Variants in YEATS2 observed in about 807,000 individuals in gnomAD.
YEATS2 encodes YEATS domain-containing protein 2.
In YEATS2, 77 loss-of-function variants were observed where a neutral mutation model predicts 163.2. The ratio of observed to expected loss-of-function variants is 0.47; its 90% CI spans 0.39 to 0.57. YEATS2 has a LOEUF of 0.57. Among genes scored for constraint, YEATS2 ranks in the 20% least tolerant of loss-of-function variants. The probability of loss-of-function intolerance (pLI) is 0.00; values close to 1 mark genes in which losing one functional copy is unlikely to be tolerated. For missense variants in YEATS2, 1,549 were observed against 1,729.8 expected (o/e 0.90, Z 1.85); for synonymous variants, 631 against 645.1 (o/e 0.98, Z 0.33).
intron 20 of YEATS2, 65 bp from the exon 21 acceptor site, chr3:183,790,732 C>CCGCCGT: frequency 1.9e-6 from 3 of 1,564,246 alleles, no homozygotes; most frequent in Non-Finnish European, 2.6e-6. Context: ...GTGGCCGTCA[C>CCGCCGT]CGCCGTCAGT....
chr3:183,724,832 C>A (rs539543070), intron 6 of YEATS2, among the ~76,000 whole-genome samples: 1 of 152,144 alleles, frequency 6.6e-6, no homozygotes, highest in South Asian at 2.1e-4. Context: ...AACCTCCCCC[C>A]GCCCGGGTTC....
At chr3:183,783,885 T>C (rs569945176) in intron 19 of YEATS2, among the ~76,000 whole-genome samples, 2 of 152,270 alleles carry the variant, frequency 1.3e-5, no homozygotes, top group East Asian at 3.9e-4. Flanking sequence ...TTCTTTTGGA[T>C]ATATACACAT....
At chr3:183,785,330 A>G (rs918685080) in intron 19 of YEATS2, among the ~76,000 whole-genome samples, 2 of 151,692 alleles carry the variant, frequency 1.3e-5, no homozygotes, top group Non-Finnish European at 2.9e-5. Flanking sequence ...TCTACTAAAA[A>G]TACAAAAATT....
At chr3:183,800,641 CAG>C in intron 24 of YEATS2, 73 bp downstream of exon 24, 2 of 1,264,128 alleles carry the variant, frequency 1.6e-6, no homozygotes, top group Non-Finnish European at 2.3e-6. Flanking sequence ...TGAGTATGTG[CAG>C]AGTTGTGTGT....
chr3:183,772,284 A>G, intron 15 of YEATS2, 21 bp from the exon 16 acceptor site: 1 of 1,612,538 alleles, frequency 6.2e-7, no homozygotes, highest in Non-Finnish European at 8.5e-7. Context: ...GCACCGTTGG[A>G]CTCTGCTCTG....
chr3:183,802,958 G>T, intron 25 of YEATS2: 1 of 316,428 alleles, frequency 3.2e-6, no homozygotes, highest in Non-Finnish European at 5.9e-6. Context: ...TTAATGGCGG[G>T]TCCAGGGCTC....
chr3:183,776,073 A>C lies in YEATS2; in HGVS notation c.2527A>C (p.Ile843Leu), dbSNP rs1403112283. 5.6e-6 allele frequency: 9 copies of C among 1,611,140 alleles called. No individual in the cohort carries two copies. The highest frequency in any genetic ancestry group is 4.0e-5 in the African/African-American group (3 of 74,978). The part of the protein sequence containing the change: ...GTQSTAGPGG[I>L]SQHLTYTSYI... ...TCAAAGTACTGCTGGCCCTGGAGGG[A>C]TATCTCAGCACCTGACTTACACATC... The change falls in exon 18 of 31, where the codon ATA becomes CTA. Residue 843 changes from isoleucine to leucine, a missense_variant. By Grantham distance (5) the Ile-to-Leu change is conservative. Coordinates refer to ENST00000305135, the MANE Select transcript of YEATS2 (RefSeq NM_018023.5).
At chr3:183,762,600 CT>C (rs982946798) in intron 15 of YEATS2, among the ~76,000 whole-genome samples, 10 of 152,120 alleles carry the variant, frequency 6.6e-5, no homozygotes, top group African/African-American at 2.4e-4. Context: ...AAGGGATCCG[CT>C]GTTGACTTGT....
chr3:183,744,102 CTTTTTTTTTTT>C (rs562807575), intron 8 of YEATS2, among the ~76,000 whole-genome samples: 54 of 55,998 alleles, frequency 9.6e-4, no homozygotes, highest in East Asian at 2.8e-3. Context: ...TTTAGTTTTG[CTTTTTTTTTTT>C]TTTTTTTTTT....
At position 183,749,848 on chromosome 3, in the gene YEATS2, C is replaced by T. The variant is rs1042532085; in HGVS notation, c.969+2132C>T. ...TTATTTATTTTTTGAGATGGAGTCTCGCTCTGTTGCCCAGGTTGGAGTGCA... is the reference window on the plus strand; with the variant it reads ...TTATTTATTTTTTGAGATGGAGTCTTGCTCTGTTGCCCAGGTTGGAGTGCA... On this transcript the variant is annotated intron_variant, in intron 9 of 30. Coordinates refer to ENST00000305135, the MANE Select transcript of YEATS2 (RefSeq NM_018023.5). Among the ~76,000 whole-genome samples the T allele has an allele frequency of 4.6e-5, 7 of 152,132 alleles. No individual in the cohort carries two copies. In the South Asian group the frequency reaches 8.3e-4, roughly 18 times the overall value.
chr3:183,792,970 G>C, intron 21 of YEATS2: 1 of 355,156 alleles, frequency 2.8e-6, no homozygotes, highest in Non-Finnish European at 5.2e-6. Context: ...TATAATATAT[G>C]GCTTTGCTTC....
intron 3 of YEATS2, among the ~76,000 whole-genome samples, 154 bp downstream of exon 3, chr3:183,717,902 G>T (rs1319455935): frequency 6.9e-6 from 1 of 145,588 alleles, no homozygotes; most frequent in African/African-American, 2.6e-5. Context: ...GTTTTGGGGA[G>T]AGAAAATGCT....
At chr3:183,759,729 G>A (rs995190135) in intron 13 of YEATS2, among the ~76,000 whole-genome samples, 2 of 152,128 alleles carry the variant, frequency 1.3e-5, no homozygotes, top group African/African-American at 2.4e-5. Context: ...TGCACTTAGC[G>A]AGCCCTCAGC....
intron 13 of YEATS2, among the ~76,000 whole-genome samples, chr3:183,759,892 A>G (rs946064591): frequency 1.1e-4 from 17 of 152,160 alleles, no homozygotes; most frequent in Non-Finnish European, 4.4e-5. Flanking sequence ...TTCCTTTTCC[A>G]TGTGTTAACC....
chr3:183,780,607 A>T (rs1394374751), intron 19 of YEATS2, among the ~76,000 whole-genome samples: 1 of 152,192 alleles, frequency 6.6e-6, no homozygotes, highest in Non-Finnish European at 1.5e-5. Context: ...GTCCACAATG[A>T]AGATAAAATG....
At position 183,809,153 on chromosome 3, in the gene YEATS2, G is replaced by C. The variant is rs767552889; in HGVS notation, c.4143G>C (p.Gln1381His). Reference protein sequence around the residue: ...ILRQALAVGYQTASHNRIPKE... With the variant: ...ILRQALAVGYHTASHNRIPKE... ...GACAGGCTTTGGCAGTTGGATACCAGACAGCTTCTCACAACAGGTATTACT... is the reference window on the plus strand; with the variant it reads ...GACAGGCTTTGGCAGTTGGATACCACACAGCTTCTCACAACAGGTATTACT... Residue 1381 changes from glutamine to histidine, a missense_variant, in exon 30 of 31, where the codon CAG (glutamine) becomes CAC (histidine). Coordinates refer to ENST00000305135, the MANE Select transcript of YEATS2 (RefSeq NM_018023.5). 5 of 1,614,150 alleles carry C rather than the reference G, an allele frequency of 3.1e-6. No individual in the cohort carries two copies. Among genetic ancestry groups the C allele is most frequent in the Non-Finnish European group, 3.4e-6 (4 of 1,180,018 alleles).
intron 6 of YEATS2, among the ~76,000 whole-genome samples, chr3:183,728,334 A>G (rs1717345681): frequency 6.6e-6 from 1 of 152,190 alleles, no homozygotes; most frequent in East Asian, 1.9e-4. Flanking sequence ...TTGTTACCAC[A>G]CTATATTAGC....
intron 15 of YEATS2, among the ~76,000 whole-genome samples, chr3:183,770,191 G>A (rs1053842228): frequency 9.3e-5 from 14 of 151,290 alleles, no homozygotes; most frequent in South Asian, 6.3e-4. Flanking sequence ...GATCAAGACC[G>A]TCCTGGCTAA....
chr3:183,742,229 A>G (rs1367664470), intron 8 of YEATS2, among the ~76,000 whole-genome samples: 1 of 152,096 alleles, frequency 6.6e-6, no homozygotes, highest in Non-Finnish European at 1.5e-5. Flanking sequence ...TAAAAAATAA[A>G]AAAAAGGAAA....
Sources: gnomAD v4.1 joint callset for allele counts (sites outside exome capture counted in the v4.1 genomes callset) on GRCh38, gnomAD v4.1.1 for gene constraint, MANE v1.5 for transcripts, NCBI Gene and HGNC (gene_info 2026-07-23, HGNC 2026-07-21) for gene names.